The following WDR72 variants were observed in gnomAD, a reference collection of about 807,000 sequenced individuals.
WDR72 encodes the protein WD repeat domain 72, also known as WD repeat-containing protein 72.
WDR72 carries 120 observed loss-of-function variants against 124.2 expected under a neutral mutation model. The ratio of observed to expected loss-of-function variants is 0.97; its 90% confidence interval spans 0.83 to 1.12. The LOEUF (loss-of-function observed/expected upper bound fraction) is 1.12, where lower values mean the gene tolerates loss of function less well. Ranked by LOEUF, WDR72 falls within the 50% of genes most tolerant of loss-of-function variation. The pLI, the probability that WDR72 is intolerant of heterozygous loss-of-function variation, is 0.00. For synonymous variants in WDR72, 452 were observed against 441.7 expected (o/e 1.02, Z -0.29); for missense variants, 1,387 against 1,278.8 (o/e 1.08, Z -1.29).
chr15:53,621,370 T>C lies in WDR72; in HGVS notation c.1963-5127A>G, dbSNP rs951655349. Among the ~76,000 whole-genome samples, 7 of 148,518 alleles carry C rather than the reference T, an allele frequency of 4.7e-5. No individual in the cohort carries two copies. In the South Asian group the frequency reaches 8.4e-4, roughly 18 times the overall value. On this transcript the variant is annotated intron_variant, in intron 14 of 19. Transcript: ENST00000360509. ...ATGTTTATAGCAGTACAGTTCTCAATTGCAAAAACGTGGAACCAACCCAAA... is the reference window on the plus strand; with the variant it reads ...ATGTTTATAGCAGTACAGTTCTCAACTGCAAAAACGTGGAACCAACCCAAA...
intron 17 of WDR72, among the ~76,000 whole-genome samples, chr15:53,601,251 G>T (rs1595785710): frequency 6.6e-6 from 1 of 152,024 alleles, no homozygotes; most frequent in African/African-American, 2.4e-5. Flanking sequence ...TTCATATCTA[G>T]CCTAACTAAG....
At position 53,513,801 on chromosome 15, in the gene WDR72, A is replaced by G. The variant is rs1008676844; in HGVS notation, c.*3898T>C. The G allele has an allele frequency of 1.3e-5, 2 of 152,174 alleles. No homozygotes were observed. The highest frequency in any genetic ancestry group is 4.8e-5 in the African/African-American group (2 of 41,450). The allele number at this position is 152,174 out of a possible 1,614,324, so 9.4% of individuals were successfully genotyped here. On this transcript the variant is annotated 3_prime_UTR_variant, in exon 20 of 20. Transcript: ENST00000360509. The stretch of plus-strand genomic sequence containing the variant: ...AATTAAATTACTGCAAAAACTCCAC[A>G]ACATCAACATTTTACATAAAGATGG...
intron 14 of WDR72, among the ~76,000 whole-genome samples, chr15:53,617,448 A>G (rs1253033616): frequency 6.6e-6 from 1 of 151,648 alleles, no homozygotes; most frequent in East Asian, 1.9e-4. Context: ...TTTTACAGTG[A>G]TGATATATTT....
In WDR72 at chr15:53,722,909, C is replaced by T. The variant is rs1479463909; in HGVS notation, c.154-1G>A. On this transcript the variant is annotated splice_acceptor_variant, in intron 2 of 19. Transcript: ENST00000360509. LOFTEE classifies it high-confidence loss of function. ...CAAATAGGAGTTCTTTCGCTGAAAT[C>T]TGAAAATAATGAGAGTGAGCTTTTA... The T allele has an allele frequency of 6.2e-7, 1 of 1,613,566 alleles. No homozygotes were observed. Among genetic ancestry groups the T allele is most frequent in the Non-Finnish European group, 8.5e-7 (1 of 1,179,598 alleles).
intron 18 of WDR72, among the ~76,000 whole-genome samples, chr15:53,581,994 A>T (rs993582303): frequency 1.3e-5 from 2 of 152,008 alleles, no homozygotes; most frequent in African/African-American, 4.8e-5. Flanking sequence ...AGGGAAAGTG[A>T]GACTATATTC....
At chr15:53,594,797 C>T (rs188336271) in intron 18 of WDR72, among the ~76,000 whole-genome samples, 1 of 150,610 alleles carries the variant, frequency 6.6e-6, no homozygotes, top group Non-Finnish European at 1.5e-5. Context: ...CCCACCCCCC[C>T]AAAAAAAATC....
intron 18 of WDR72, among the ~76,000 whole-genome samples, chr15:53,573,828 G>C (rs550170022): frequency 6.6e-6 from 1 of 152,328 alleles, no homozygotes; most frequent in East Asian, 1.9e-4. Context: ...TTACAGGCGT[G>C]AGCCACGGCG....
intron 13 of WDR72, among the ~76,000 whole-genome samples, chr15:53,674,303 C>CA (rs1462859513): frequency 6.6e-6 from 1 of 152,172 alleles, no homozygotes; most frequent in Non-Finnish European, 1.5e-5. Context: ...CACTGACTGA[C>CA]AGTTATAATC....
intron 15 of WDR72, 81 bp from the exon 16 acceptor site, chr15:53,613,838 T>G (rs1291635982): frequency 7.6e-6 from 7 of 922,648 alleles, no homozygotes; most frequent in Non-Finnish European, 1.2e-5. Context: ...TATGGGTACA[T>G]GACCACTTTA....
Position 53,665,639 on chromosome 15 carries a change from C to T in WDR72, c.1895G>A (p.Arg632Lys). ...ETLKHKSIEQ[R>K]SSSPYQLGPL... Reference sequence around the variant, plus strand: ...CCCAAGCTGGTAGGGGCTGGAGGATCTCTGTTCTATACTTTTGTGCTTAAG... The same window carrying T: ...CCCAAGCTGGTAGGGGCTGGAGGATTTCTGTTCTATACTTTTGTGCTTAAG... Residue 632 changes from arginine to lysine, a missense_variant, in exon 14 of 20, where the codon AGA becomes AAA. Physicochemically the swap from Arg to Lys is conservative, Grantham distance 26. Coordinates refer to ENST00000360509, the MANE Select transcript of WDR72 (RefSeq NM_182758.4). The T allele has an allele frequency of 6.2e-7, 1 of 1,613,888 alleles. No homozygotes were observed. Among genetic ancestry groups the T allele is most frequent in the Non-Finnish European group, 8.5e-7 (1 of 1,179,874 alleles).
chr15:53,745,126 T>G (rs1360055998), intron 1 of WDR72, among the ~76,000 whole-genome samples: 1 of 151,876 alleles, frequency 6.6e-6, no homozygotes, highest in African/African-American at 2.4e-5. Context: ...GCAAATATTC[T>G]TTGAGCCTCA....
rs1221347797 is a variant in WDR72 at position 53,546,177 on chromosome 15, G to T, written c.3149-22855C>A. Among the ~76,000 whole-genome samples, 968 of 146,438 alleles carry T rather than the reference G, an allele frequency of 6.6e-3. 8 individuals carry two copies. Among genetic ancestry groups the T allele is most frequent in the African/African-American group, 0.024 (938 of 39,352 alleles). ...TCCCATTACTGGGTATATACCCAAA[G>T]GACTATAAATCATGCTGCTATAAAG... On this transcript the variant is annotated intron_variant, in intron 18 of 19. Transcript: ENST00000360509.
intron 13 of WDR72, among the ~76,000 whole-genome samples, chr15:53,668,996 A>AGGAGGAGGAGAAGGAGAAGGAGGAGGG (rs781054932): frequency 1.9e-5 from 2 of 105,068 alleles, no homozygotes; most frequent in East Asian, 2.5e-4. Flanking sequence ...AAGGAGGAGG[A>AGGAGGAGGAGAAGGAGAAGGAGGAGGG]GAAGGAGAAG....
At chr15:53,690,679 G>A (rs1223664675) in intron 13 of WDR72, among the ~76,000 whole-genome samples, 1 of 152,180 alleles carries the variant, frequency 6.6e-6, no homozygotes, top group Non-Finnish European at 1.5e-5. Context: ...TAGATTAACA[G>A]GAGATTAGTC....
chr15:53,700,665 C>G (rs1010908676), intron 12 of WDR72, among the ~76,000 whole-genome samples: 2 of 152,066 alleles, frequency 1.3e-5, no homozygotes, highest in African/African-American at 2.4e-5. Flanking sequence ...CCTTGAGACA[C>G]CCATTACTCA....
At chr15:53,562,652 G>C (rs147396853) in intron 18 of WDR72, among the ~76,000 whole-genome samples, 208 of 151,866 alleles carry the variant, frequency 1.4e-3, no homozygotes, top group African/African-American at 4.9e-3. Context: ...GGAAAGAAGA[G>C]AGGGATGATG....
chr15:53,521,084 A>G (rs1398608354), intron 19 of WDR72, among the ~76,000 whole-genome samples: 2 of 152,110 alleles, frequency 1.3e-5, no homozygotes, highest in Admixed American at 6.6e-5. Flanking sequence ...GACAAGCACC[A>G]AAGATCTGAC....
intron 12 of WDR72, among the ~76,000 whole-genome samples, chr15:53,701,559 T>TCTTTCTCTCTCA (rs369568228): frequency 8.3e-6 from 1 of 120,102 alleles, no homozygotes; most frequent in Non-Finnish European, 1.7e-5. Flanking sequence ...TCTCTCTCTC[T>TCTTTCTCTCTCA]CACACACACA....
In WDR72 at chr15:53,705,176, A is replaced by G; in HGVS notation, c.1160T>C (p.Met387Thr). 6.2e-7 allele frequency: 1 copy of G among 1,614,090 alleles called. No homozygotes were observed. Among genetic ancestry groups the G allele is most frequent in the South Asian group, 1.1e-5 (1 of 91,082 alleles). ...LQDNFDKHDTMSQSIIDYFSG... is the reference protein window; with the variant it reads ...LQDNFDKHDTTSQSIIDYFSG... ...GAAATAGTCAATAATACTTTGTGACATAGTATCATGCTTATCAAAATTATC... is the reference window on the plus strand; with the variant it reads ...GAAATAGTCAATAATACTTTGTGACGTAGTATCATGCTTATCAAAATTATC... The change falls in exon 11 of 20, where the codon ATG becomes ACG. Residue 387 changes from methionine (M) to threonine (T), a missense_variant. By Grantham distance (81) the Met-to-Thr change is moderately conservative (BLOSUM62 -1). Coordinates refer to ENST00000360509, the MANE Select transcript of WDR72 (RefSeq NM_182758.4).
Sources: allele counts gnomAD v4.1 joint callset (sites outside exome capture counted in the v4.1 genomes callset), GRCh38; gene constraint gnomAD v4.1.1; transcripts MANE v1.5; gene names NCBI Gene and HGNC (gene_info 2026-07-23, HGNC 2026-07-21).